The following MME variants were observed in gnomAD, a reference collection of about 807,000 sequenced individuals.
MME encodes neprilysin.
MME carries 98 observed loss-of-function variants against 113.2 expected under a neutral mutation model. That is an observed-to-expected ratio of 0.87 (90% CI 0.74 to 1.02). The LOEUF (loss-of-function observed/expected upper bound fraction) is 1.02, where lower values mean the gene tolerates loss of function less well. Among genes scored for constraint, MME ranks in the 50% least tolerant of loss-of-function variants. The pLI is 0.00. For synonymous variants in MME, 292 were observed against 300.6 expected, an observed-to-expected ratio of 0.97 and a Z score of 0.30; for missense variants, 836 against 896.0, an observed-to-expected ratio of 0.93 and a Z score of 0.86.
intron 1 of MME, among the ~76,000 whole-genome samples, chr3:155,082,920 A>C (rs1272819926): frequency 6.6e-6 from 1 of 152,208 alleles, no homozygotes; most frequent in African/African-American, 2.4e-5. Context: ...ATCTTTAACT[A>C]TAAGAGCATT....
chr3:155,133,237 AT>A (rs1347822756), intron 8 of MME, among the ~76,000 whole-genome samples: 3 of 151,540 alleles, frequency 2.0e-5, no homozygotes, highest in Non-Finnish European at 4.4e-5. Flanking sequence ...CACCAGATAA[AT>A]TTGGAAGTCA....
intron 16 of MME, among the ~76,000 whole-genome samples, chr3:155,156,932 C>T (rs1254941922): frequency 2.0e-5 from 3 of 152,114 alleles, no homozygotes; most frequent in Non-Finnish European, 4.4e-5. Flanking sequence ...GCTTATAATA[C>T]CCAAAAGGCT....
At chr3:155,078,646 AAT>A (rs1714855856), upstream of MME, among the ~76,000 whole-genome samples, 1 of 141,198 alleles carries the variant, frequency 7.1e-6, no homozygotes, top group Non-Finnish European at 1.5e-5. Flanking sequence ...GTGGAGTGTG[AAT>A]ATGTGTGTGT....
intron 10 of MME, among the ~76,000 whole-genome samples, chr3:155,141,461 G>A (rs1721080858): frequency 6.6e-6 from 1 of 152,048 alleles, no homozygotes; most frequent in South Asian, 2.1e-4. Context: ...TATAAACATG[G>A]CATGCCTGTA....
At chr3:155,140,704 C>G (rs1213372084) in intron 10 of MME, among the ~76,000 whole-genome samples, 1 of 152,070 alleles carries the variant, frequency 6.6e-6, no homozygotes, top group East Asian at 1.9e-4. Flanking sequence ...CCACTCTTAG[C>G]TGGTAAAATT....
chr3:155,165,899 A>G (rs1261645215), intron 17 of MME, among the ~76,000 whole-genome samples: 1 of 152,220 alleles, frequency 6.6e-6, no homozygotes, highest in Non-Finnish European at 1.5e-5. Flanking sequence ...GAGGGCCTAG[A>G]GGGGAAAATG....
intron 3 of MME, among the ~76,000 whole-genome samples, chr3:155,106,070 C>A (rs1369190482): frequency 6.6e-6 from 1 of 152,082 alleles, no homozygotes; most frequent in Non-Finnish European, 1.5e-5. Context: ...TAGTTATAAA[C>A]TAATTACTCC....
At chr3:155,145,827 T>C (rs1430865438) in intron 14 of MME, among the ~76,000 whole-genome samples, 4 of 152,198 alleles carry the variant, frequency 2.6e-5, no homozygotes, top group Non-Finnish European at 5.9e-5. Flanking sequence ...AGGAAATGTC[T>C]TACAGTAAAT....
chr3:155,173,335 A>AT (rs1712189026), intron 22 of MME, among the ~76,000 whole-genome samples: 1 of 150,482 alleles, frequency 6.6e-6, no homozygotes, highest in African/African-American at 2.4e-5. Flanking sequence ...AAGAAAGTTA[A>AT]AAAAAAAAAC....
intron 1 of MME, among the ~76,000 whole-genome samples, chr3:155,071,649 C>T (rs1714560318): frequency 6.6e-6 from 1 of 152,128 alleles, no homozygotes; most frequent in Admixed American, 6.5e-5. Context: ...AACAAGATGT[C>T]CATCATCCTA....
upstream of MME, among the ~76,000 whole-genome samples, chr3:155,078,759 A>G (rs1192722346): frequency 2.6e-5 from 4 of 152,030 alleles, no homozygotes; most frequent in Non-Finnish European, 4.4e-5. Flanking sequence ...GAAGCAAAAA[A>G]AAAAGGAAGT....
At chr3:155,145,579 C>A (rs912791257) in intron 14 of MME, among the ~76,000 whole-genome samples, 1 of 151,964 alleles carries the variant, frequency 6.6e-6, no homozygotes. Context: ...CTTGGTAGAC[C>A]CTTGAAATAT....
intron 1 of MME, among the ~76,000 whole-genome samples, chr3:155,059,521 G>T (rs2108134280): frequency 6.6e-6 from 1 of 152,144 alleles, no homozygotes; most frequent in South Asian, 2.1e-4. Flanking sequence ...TCCACAATTA[G>T]TAAACGGTGG....
At chr3:155,096,965 G>A (rs2108205875) in intron 3 of MME, among the ~76,000 whole-genome samples, 1 of 152,274 alleles carries the variant, frequency 6.6e-6, no homozygotes, top group South Asian at 2.1e-4. Context: ...AATATTTACT[G>A]GGAAGTAGAA....
At chr3:155,148,678 T>TG in intron 16 of MME, 25 bp downstream of exon 16, 2 of 1,505,836 alleles carry the variant, frequency 1.3e-6, no homozygotes, top group Non-Finnish European at 1.8e-6. Flanking sequence ...ATTTCTAATG[T>TG]GATCATCTAG....
Position 155,172,764 on chromosome 3 carries a change from CA to C in MME, c.2153+153del, listed in dbSNP as rs560817087. On this transcript the variant is annotated intron_variant, in intron 22 of 22. Transcript: ENST00000360490. ...AGAGTCAAAGGTAGGATCGAGAGAACACATCGGAGCATTCTACATAAGCATA... is the reference window on the plus strand; with the variant it reads ...AGAGTCAAAGGTAGGATCGAGAGAACCATCGGAGCATTCTACATAAGCATA... The C allele has an allele frequency of 1.4e-4, 95 of 657,434 alleles. No individual in the cohort carries two copies. The African/African-American group carries it at 1.7e-3, about 12-fold the overall frequency. The allele number at this position is 657,434 out of a possible 1,614,324, so 40.7% of individuals were successfully genotyped here. A position where few individuals can be genotyped will look rare whatever the true frequency, so the allele number is the denominator to read the frequency against.
In MME at chr3:155,161,503, T is replaced by TA. The variant is rs374375668; in HGVS notation, c.1660+1064dup. Among the ~76,000 whole-genome samples the TA allele has an allele frequency of 1.2e-4, 18 of 151,284 alleles. No individual in the cohort carries two copies. In the South Asian group the frequency reaches 2.3e-3, roughly 19 times the overall value. On this transcript the variant is annotated intron_variant, in intron 17 of 22. Coordinates refer to ENST00000360490, the MANE Select transcript of MME (RefSeq NM_007289.4). ...ATCTTACAAGATATTTATCATTGGC[T>TA]AAAAAAAAACTAACCTTAAAATAAA...
At chr3:155,170,889 T>G (rs144538124) in intron 20 of MME, among the ~76,000 whole-genome samples, 22 of 152,294 alleles carry the variant, frequency 1.4e-4, no homozygotes, top group African/African-American at 4.8e-4. Context: ...AAGTTTAACA[T>G]CTCTCAGGGG....
At chr3:155,153,322 T>C (rs1016037706) in intron 16 of MME, among the ~76,000 whole-genome samples, 5 of 152,198 alleles carry the variant, frequency 3.3e-5, no homozygotes, top group Non-Finnish European at 7.3e-5. Context: ...TTGATTCATG[T>C]GGTTTCTGAT....
Sources: allele counts gnomAD v4.1 joint callset (sites outside exome capture counted in the v4.1 genomes callset), GRCh38; gene constraint gnomAD v4.1.1; transcripts MANE v1.5; gene names NCBI Gene and HGNC (gene_info 2026-07-23, HGNC 2026-07-21).